The following SRGAP3 variants were observed in gnomAD, a reference collection of about 807,000 sequenced individuals.
SRGAP3 encodes SLIT-ROBO Rho GTPase-activating protein 3.
SRGAP3 carries 39 observed loss-of-function variants against 121.1 expected under a neutral mutation model. The ratio of observed to expected loss-of-function variants is 0.32; its 90% CI spans 0.25 to 0.42. The LOEUF (loss-of-function observed/expected upper bound fraction) is 0.42. Ranked by LOEUF, SRGAP3 falls within the 10% of genes least tolerant of loss-of-function variation. The pLI, the probability that SRGAP3 is intolerant of heterozygous loss-of-function variation, is 1.00. For synonymous variants in SRGAP3, 601 were observed against 570.0 expected (o/e 1.05, Z -0.77); for missense variants, 1,213 against 1,470.6 (o/e 0.82, Z 2.86).
intron 1 of SRGAP3, chr3:9,235,918 A>C (rs942907313): frequency 3.3e-5 from 5 of 153,370 alleles, no homozygotes; most frequent in South Asian, 2.1e-4. Flanking sequence ...ACAATTAAAA[A>C]TGGGTAAGAC....
chr3:9,120,517 C>A (rs907952366), intron 2 of SRGAP3, among the ~76,000 whole-genome samples: 4 of 152,218 alleles, frequency 2.6e-5, no homozygotes, highest in African/African-American at 7.2e-5. Flanking sequence ...GCACACATTT[C>A]AAACAAATGA....
In SRGAP3 at chr3:9,094,173, G is replaced by A. The variant is rs185556134; in HGVS notation, c.423+10507C>T. 1.1e-3 allele frequency among the ~76,000 whole-genome samples: 163 copies of A among 152,164 alleles called. 1 individual carries two copies. The highest frequency in any genetic ancestry group is 6.7e-3 in the South Asian group (32 of 4,810). ...ATTTGCATAGCTTTATTTCAGCCAG[G>A]TGTCTAACCATATGAACCATATAAA... is the stretch of plus-strand genomic sequence containing the variant. On this transcript the variant is annotated intron_variant, in intron 3 of 21. Coordinates refer to ENST00000383836, the MANE Select transcript of SRGAP3 (RefSeq NM_014850.4).
chr3:9,145,150 C>T (rs1949982787), intron 1 of SRGAP3, among the ~76,000 whole-genome samples: 1 of 152,114 alleles, frequency 6.6e-6, no homozygotes, highest in African/African-American at 2.4e-5. Flanking sequence ...GGATGGAGTG[C>T]AGTGGCGTGA....
At chr3:9,029,138 G>A (rs150046623) in intron 12 of SRGAP3, among the ~76,000 whole-genome samples, 1 of 152,168 alleles carries the variant, frequency 6.6e-6, no homozygotes, top group African/African-American at 2.4e-5. Context: ...CAAACAGCCT[G>A]GTCGAACAGG....
Position 9,223,089 on chromosome 3 carries a change from G to A in SRGAP3, c.67+25796C>T, listed in dbSNP as rs183097783. On this transcript the variant is annotated intron_variant, in intron 1 of 21. Transcript: ENST00000383836. Reference sequence around the variant, plus strand: ...CTCCCAAAAAGATATACCGCAGGATGCTTTTCCAGAACAGAGGTCAGCAAA... The same window carrying A: ...CTCCCAAAAAGATATACCGCAGGATACTTTTCCAGAACAGAGGTCAGCAAA... 7.7e-4 allele frequency among the ~76,000 whole-genome samples: 118 copies of A among 152,332 alleles called. 1 individual carries two copies. The highest frequency in any genetic ancestry group is 7.2e-3 in the Admixed American group (110 of 15,302).
chr3:9,230,136 C>T (rs1456289087), intron 1 of SRGAP3, among the ~76,000 whole-genome samples: 2 of 152,194 alleles, frequency 1.3e-5, no homozygotes, highest in Admixed American at 1.3e-4. Context: ...TGACTGAGTG[C>T]CAGGCACTGT....
chr3:9,146,726 G>A (rs116420986), intron 1 of SRGAP3, among the ~76,000 whole-genome samples: 1,617 of 152,278 alleles, frequency 0.011, 25 homozygotes, highest in African/African-American at 0.036. Context: ...CTGAAGGTAT[G>A]CAGACAGAGA....
intron 1 of SRGAP3, among the ~76,000 whole-genome samples, chr3:9,129,919 A>G (rs1012440617): frequency 6.6e-6 from 1 of 151,586 alleles, no homozygotes; most frequent in African/African-American, 2.4e-5. Context: ...CGGCCACCAC[A>G]CCTGAATAAT....
intron 1 of SRGAP3, among the ~76,000 whole-genome samples, chr3:9,200,905 A>G (rs1271476982): frequency 6.6e-6 from 1 of 152,182 alleles, no homozygotes; most frequent in Non-Finnish European, 1.5e-5. Flanking sequence ...CAGTAACAGA[A>G]TGGCACTTTC....
At chr3:9,260,571 C>T (rs1954234267) in intron 3 of SRGAP3, among the ~76,000 whole-genome samples, 1 of 152,246 alleles carries the variant, frequency 6.6e-6, no homozygotes, top group Non-Finnish European at 1.5e-5. Flanking sequence ...GGCGTGGCAT[C>T]GCCACTGTAG....
chr3:9,062,769 C>T (rs887209448), intron 5 of SRGAP3, among the ~76,000 whole-genome samples: 10 of 152,182 alleles, frequency 6.6e-5, no homozygotes, highest in Admixed American at 2.0e-4. Context: ...TTCAACCATC[C>T]ATCAGCAGAT....
intron 3 of SRGAP3, among the ~76,000 whole-genome samples, chr3:9,275,566 T>C (rs1954556072): frequency 6.6e-6 from 1 of 152,164 alleles, no homozygotes; most frequent in South Asian, 2.1e-4. Context: ...TGGGAGATAA[T>C]TGAATCATGG....
At chr3:9,256,569 G>A (rs1413970343) in intron 3 of SRGAP3, among the ~76,000 whole-genome samples, 3 of 151,930 alleles carry the variant, frequency 2.0e-5, no homozygotes, top group African/African-American at 7.3e-5. Context: ...TTCTAGAGCT[G>A]ATATTTGCAG....
chr3:9,160,233 T>C (rs1328032581), intron 1 of SRGAP3, among the ~76,000 whole-genome samples: 1 of 152,222 alleles, frequency 6.6e-6, no homozygotes, highest in Admixed American at 6.5e-5. Flanking sequence ...ACCTTCTCTC[T>C]TTAAAAGAGA....
At chr3:9,060,185 C>A (rs367657054) in intron 6 of SRGAP3, 46 bp downstream of exon 6, 1 of 1,613,180 alleles carries the variant, frequency 6.2e-7, no homozygotes, top group Non-Finnish European at 8.5e-7. Flanking sequence ...CATGTGCCAG[C>A]CCTGGTGTGG....
intron 3 of SRGAP3, among the ~76,000 whole-genome samples, chr3:9,310,944 C>T (rs1487278008): frequency 2.6e-5 from 4 of 151,984 alleles, no homozygotes; most frequent in Admixed American, 1.3e-4. Flanking sequence ...CTGAGGTGGG[C>T]AGATCACTTG....
At chr3:9,073,279 G>A (rs916043075) in intron 4 of SRGAP3, among the ~76,000 whole-genome samples, 11 of 152,102 alleles carry the variant, frequency 7.2e-5, no homozygotes, top group Non-Finnish European at 1.5e-4. Context: ...GGGTAGCTGC[G>A]ACTATAGGTA....
chr3:9,068,017 T>A (rs1946511024), intron 4 of SRGAP3, among the ~76,000 whole-genome samples: 1 of 152,184 alleles, frequency 6.6e-6, no homozygotes, highest in African/African-American at 2.4e-5. Flanking sequence ...GGACCCCACC[T>A]TCCCCCTTCT....
At chr3:9,177,833 GAGA>G (rs1951234273) in intron 1 of SRGAP3, among the ~76,000 whole-genome samples, 2 of 152,204 alleles carry the variant, frequency 1.3e-5, no homozygotes, top group Non-Finnish European at 2.9e-5. Context: ...GTCTGGCCAA[GAGA>G]AGAAGGGCAT....
Sources: allele counts gnomAD v4.1 joint callset (sites outside exome capture counted in the v4.1 genomes callset), GRCh38; gene constraint gnomAD v4.1.1; transcripts MANE v1.5; gene names NCBI Gene and HGNC (gene_info 2026-07-23, HGNC 2026-07-21).